SPDYA: variants seen among roughly 807,000 people sequenced by gnomAD.
SPDYA encodes the protein speedy protein A.
In SPDYA, 11 loss-of-function variants were observed where a neutral mutation model predicts 36.7. The ratio of observed to expected loss-of-function variants is 0.30; its 90% CI spans 0.19 to 0.50. The LOEUF (loss-of-function observed/expected upper bound fraction) is 0.50. Among genes scored for constraint, SPDYA ranks in the 20% least tolerant of loss-of-function variants. The pLI, the probability that SPDYA is intolerant of heterozygous loss-of-function variation, is 0.98. For missense variants in SPDYA, 287 were observed against 370.9 expected (o/e 0.77, Z 1.86); for synonymous variants, 115 against 118.7 (o/e 0.97, Z 0.20).
chr2:28,841,174 T>A (rs1668743385), intron 7 of SPDYA, among the ~76,000 whole-genome samples: 1 of 152,088 alleles, frequency 6.6e-6, no homozygotes, highest in Non-Finnish European at 1.5e-5. Flanking sequence ...CCTCAAGTGA[T>A]CTGCCTTCCT....
intron 7 of SPDYA, among the ~76,000 whole-genome samples, chr2:28,848,146 T>C (rs1185441125): frequency 2.0e-5 from 3 of 152,216 alleles, no homozygotes; most frequent in Non-Finnish European, 4.4e-5. Context: ...AAAGGCATCA[T>C]TATTATATAA....
chr2:28,831,433 G>A (rs1572506037), intron 6 of SPDYA, among the ~76,000 whole-genome samples: 2 of 152,124 alleles, frequency 1.3e-5, no homozygotes, highest in Admixed American at 6.5e-5. Context: ...TAGGGATATG[G>A]ATGTTTGTTA....
chr2:28,845,980 T>C (rs1008303136), intron 7 of SPDYA, among the ~76,000 whole-genome samples: 5 of 152,228 alleles, frequency 3.3e-5, no homozygotes, highest in African/African-American at 7.2e-5. Context: ...TACATGACCA[T>C]AGAAACTTCA....
At chr2:28,843,928 G>A (rs546185669) in intron 7 of SPDYA, among the ~76,000 whole-genome samples, 2 of 152,102 alleles carry the variant, frequency 1.3e-5, no homozygotes, top group Admixed American at 6.6e-5. Context: ...TATATATTAT[G>A]TATTATCTGA....
intron 7 of SPDYA, chr2:28,842,146 C>G (rs1442785214): frequency 6.6e-6 from 1 of 152,156 alleles, no homozygotes; most frequent in Admixed American, 6.5e-5. Context: ...AGCCTGAATT[C>G]CTAAATATTA....
intron 6 of SPDYA, among the ~76,000 whole-genome samples, chr2:28,832,642 A>C (rs1325124893): frequency 6.6e-6 from 1 of 152,158 alleles, no homozygotes; most frequent in East Asian, 1.9e-4. Flanking sequence ...CCACATATTC[A>C]TAAGTAGCAA....
At position 28,818,300 on chromosome 2, in the gene SPDYA, T is replaced by C. The variant is rs193020382; in HGVS notation, c.236-748T>C. 3.3e-5 allele frequency among the ~76,000 whole-genome samples: 5 copies of C among 152,272 alleles called. No individual in the cohort carries two copies. In the South Asian group the frequency reaches 8.3e-4, roughly 25 times the overall value. ...TGAATATAAAGAAGTTATGCCTTTT[T>C]ACTTAAAATGAAGAAGAGGAGCCTG... On this transcript the variant is annotated intron_variant, in intron 3 of 7. Transcript: ENST00000334056.
intron 5 of SPDYA, among the ~76,000 whole-genome samples, chr2:28,827,508 C>A (rs957297632): frequency 6.6e-6 from 1 of 151,982 alleles, no homozygotes; most frequent in African/African-American, 2.4e-5. Flanking sequence ...TTCTTGGTAC[C>A]TTGTTCCCTT....
intron 3 of SPDYA, among the ~76,000 whole-genome samples, chr2:28,817,339 A>G (rs923539682): frequency 7.9e-5 from 12 of 152,182 alleles, no homozygotes; most frequent in Non-Finnish European, 1.6e-4. Flanking sequence ...AGGCAGGCAG[A>G]TCAGCTGAGG....
chr2:28,823,297 G>T (rs1668216348), intron 5 of SPDYA, among the ~76,000 whole-genome samples: 1 of 152,036 alleles, frequency 6.6e-6, no homozygotes, highest in African/African-American at 2.4e-5. Flanking sequence ...CAATCTATAG[G>T]TCAGAATACA....
intron 4 of SPDYA, among the ~76,000 whole-genome samples, chr2:28,821,461 A>G (rs1342335799): frequency 6.6e-6 from 1 of 152,098 alleles, no homozygotes. Context: ...TCGACCTCCC[A>G]AAGTGCTGGG....
rs559075233 is a variant in SPDYA, at chr2:28,834,556, C to A, written c.552+5237C>A. On this transcript the variant is annotated intron_variant, in intron 6 of 7. Coordinates refer to ENST00000334056, the MANE Select transcript of SPDYA (RefSeq NM_182756.4). ...CTTGGCAATTAAAAGGAATGAAGTA[C>A]CTGGTTCAAGCTACAACGCAGATAA... is the stretch of plus-strand genomic sequence containing the variant. Among the ~76,000 whole-genome samples the A allele has an allele frequency of 5.3e-5, 8 of 152,266 alleles. No individual in the cohort carries two copies. The South Asian group carries it at 1.5e-3, about 28-fold the overall frequency.
At chr2:28,821,899 CTG>C (rs1248934637) in intron 4 of SPDYA, among the ~76,000 whole-genome samples, 1 of 152,172 alleles carries the variant, frequency 6.6e-6, no homozygotes, top group East Asian at 1.9e-4. Context: ...GTATGGATGT[CTG>C]TAACTAAAAG....
intron 6 of SPDYA, among the ~76,000 whole-genome samples, chr2:28,831,685 A>G (rs1572506244): frequency 6.6e-6 from 1 of 152,300 alleles, no homozygotes; most frequent in East Asian, 1.9e-4. Context: ...TACACTTCTA[A>G]TATCTCCCAT....
intron 7 of SPDYA, among the ~76,000 whole-genome samples, chr2:28,842,858 G>A (rs1325564924): frequency 6.6e-6 from 1 of 152,190 alleles, no homozygotes; most frequent in African/African-American, 2.4e-5. Context: ...TGCTACAGGA[G>A]TGGGATAAGT....
At chr2:28,840,801 ACCTT>A (rs1668730753) in intron 7 of SPDYA, 1 of 1,003,888 alleles carries the variant, frequency 1.0e-6, no homozygotes, top group African/African-American at 1.7e-5. Context: ...TTGTAATCTC[ACCTT>A]CCAACTATTG....
Position 28,850,412 on chromosome 2 carries a change from T to TA in SPDYA, c.*478dup. On this transcript the variant is annotated 3_prime_UTR_variant, in exon 8 of 8. Transcript: ENST00000334056. ...AAATCAGAATGCGATTCTTCTGTTG[T>TA]AAAAAAATATATGTACTATAAGCTA... The TA allele has an allele frequency of 1.3e-6, 2 of 1,569,248 alleles. No homozygotes were observed. Among genetic ancestry groups the TA allele is most frequent in the Non-Finnish European group, 1.7e-6 (2 of 1,145,736 alleles).
At chr2:28,823,739 ATATAT>A (rs1558324056) in intron 5 of SPDYA, among the ~76,000 whole-genome samples, 37 of 63,178 alleles carry the variant, frequency 5.9e-4, no homozygotes, top group Non-Finnish European at 9.6e-4. Flanking sequence ...ATATATATAT[ATATAT>A]AAAATTTTTT....
chr2:28,835,005 C>T (rs1668559421), intron 6 of SPDYA, among the ~76,000 whole-genome samples: 1 of 152,122 alleles, frequency 6.6e-6, no homozygotes, highest in Non-Finnish European at 1.5e-5. Flanking sequence ...TAAATTTCCT[C>T]CCACTAAAAT....
Sources: gnomAD v4.1 joint callset for allele counts (sites outside exome capture counted in the v4.1 genomes callset) on GRCh38, gnomAD v4.1.1 for gene constraint, MANE v1.5 for transcripts, NCBI Gene and HGNC (gene_info 2026-07-23, HGNC 2026-07-21) for gene names.